The following PINX1 variants were observed in gnomAD, a reference collection of about 807,000 sequenced individuals.
PINX1 encodes PIN2/TERF1-interacting telomerase inhibitor 1.
PINX1 carries 34 observed loss-of-function variants against 25.4 expected under a neutral mutation model. The observed-to-expected ratio is 1.34, with a 90% CI of 1.02 to 1.78. PINX1 has a LOEUF of 1.78. Among genes scored for constraint, PINX1 ranks in the 40% most tolerant of loss-of-function variants. The pLI, the probability that PINX1 is intolerant of heterozygous loss-of-function variation, is 0.00. For synonymous variants in PINX1, 197 were observed against 147.7 expected (o/e 1.33, Z -2.42); for missense variants, 592 against 404.9 (o/e 1.46, Z -3.97).
At chr8:10,791,419 G>A (rs1031448767) in intron 6 of PINX1, among the ~76,000 whole-genome samples, 1 of 152,166 alleles carries the variant, frequency 6.6e-6, no homozygotes, top group Non-Finnish European at 1.5e-5. Flanking sequence ...ACAGTATGAA[G>A]TGACCAGCTT....
At chr8:10,839,052 G>A (rs1297353201) in intron 1 of PINX1, among the ~76,000 whole-genome samples, 1 of 152,174 alleles carries the variant, frequency 6.6e-6, no homozygotes, top group African/African-American at 2.4e-5. Context: ...AAGCATGACT[G>A]CCATCTGGCG....
rs147413528 is a variant in PINX1, at chr8:10,794,229, A to G, written c.471+25964T>C. On this transcript the variant is annotated intron_variant, in intron 6 of 6. Coordinates refer to ENST00000314787, the MANE Select transcript of PINX1 (RefSeq NM_017884.6). ...AATGCTCAATCACTGGTAATCTATC[A>G]CGATTAAAATTTTAAATTACAATTT... 1.1e-3 allele frequency among the ~76,000 whole-genome samples: 170 copies of G among 152,332 alleles called. No individual in the cohort carries two copies. The East Asian group carries it at 0.029, about 26-fold the overall frequency.
chr8:10,839,583 CA>C, intron 1 of PINX1, 154 bp downstream of exon 1: 1 of 722,790 alleles, frequency 1.4e-6, no homozygotes, highest in East Asian at 2.8e-5. Context: ...CTGCGGCGAG[CA>C]GGACAATCAG....
chr8:10,812,197 G>A (rs1027221625), intron 6 of PINX1, among the ~76,000 whole-genome samples: 1 of 152,194 alleles, frequency 6.6e-6, no homozygotes, highest in Non-Finnish European at 1.5e-5. Context: ...CACATCAAGA[G>A]CCTTTCACAT....
chr8:10,793,426 C>T (rs1157551779), intron 6 of PINX1, among the ~76,000 whole-genome samples: 1 of 152,158 alleles, frequency 6.6e-6, no homozygotes, highest in Non-Finnish European at 1.5e-5. Flanking sequence ...ATAAAATGCA[C>T]TAACACTAAT....
intron 6 of PINX1, among the ~76,000 whole-genome samples, chr8:10,784,319 G>A (rs1801682410): frequency 6.6e-6 from 1 of 152,132 alleles, no homozygotes; most frequent in South Asian, 2.1e-4. Flanking sequence ...CTCTCCTTAG[G>A]ATCACAAAGT....
chr8:10,816,242 G>T (rs1253875009), intron 6 of PINX1, among the ~76,000 whole-genome samples: 2 of 152,210 alleles, frequency 1.3e-5, no homozygotes, highest in East Asian at 1.9e-4. Context: ...TCATCATGCT[G>T]TACTGTAGTT....
rs1282847198 is a variant in PINX1, at chr8:10,807,337, C to T, written c.471+12856G>A. On this transcript the variant is annotated intron_variant, in intron 6 of 6. Transcript: ENST00000314787. ...GAAAATCCCCCCCCCACCCCCCCCCCCACCAAAGTAGAACAAAGATACAGT... is the reference window on the plus strand; with the variant it reads ...GAAAATCCCCCCCCCACCCCCCCCCTCACCAAAGTAGAACAAAGATACAGT... 3.0e-5 allele frequency among the ~76,000 whole-genome samples: 3 copies of T among 99,966 alleles called. No individual in the cohort carries two copies. In the East Asian group the frequency reaches 1.1e-3, roughly 35 times the overall value. 65.6% of individuals were successfully genotyped at this position (99,966 alleles called of 152,430 possible). A position where few individuals can be genotyped will look rare whatever the true frequency, so the allele number is the denominator to read the frequency against.
At chr8:10,800,510 C>G (rs1467255303) in intron 6 of PINX1, among the ~76,000 whole-genome samples, 1 of 150,822 alleles carries the variant, frequency 6.6e-6, no homozygotes, top group African/African-American at 2.4e-5. Context: ...CACTCTGTTG[C>G]CCAGGCTGGA....
At chr8:10,796,418 T>C (rs965389956) in intron 6 of PINX1, among the ~76,000 whole-genome samples, 3 of 152,130 alleles carry the variant, frequency 2.0e-5, no homozygotes, top group East Asian at 1.9e-4. Context: ...ATCCAGCCTT[T>C]ACCATTAAGA....
chr8:10,834,770 G>T lies in PINX1; in HGVS notation c.25C>A (p.Arg9=), dbSNP rs72547500. 1 of 1,610,444 alleles carries T rather than the reference G, an allele frequency of 6.2e-7. No homozygotes were observed. Among genetic ancestry groups the T allele is most frequent in the Non-Finnish European group, 8.5e-7 (1 of 1,178,072 alleles). The change falls in exon 2 of 7, where the codon CGG becomes AGG. Residue 9 remains arginine (R), a synonymous_variant. Transcript: ENST00000314787. ...GGATCCACAGCCCACTTCTGCTTCC[G>T]CCGACCTGTAAATGAAAAAGCATTA... MSMLAERR[R]KQKWAVDPQN...
chr8:10,771,885 C>G lies in PINX1; in HGVS notation c.472-5969G>C, dbSNP rs1586130905. Among the ~76,000 whole-genome samples, 3 of 152,364 alleles carry G rather than the reference C, an allele frequency of 2.0e-5. No individual in the cohort carries two copies. In the East Asian group the frequency reaches 5.8e-4, roughly 29 times the overall value. On this transcript the variant is annotated intron_variant, in intron 6 of 6. Transcript: ENST00000314787. ...CTTCTCTAACTACTGCAGAGTACATCTGAGTGTCGTCTGCTGTCAGCCAGT... is the reference window on the plus strand; with the variant it reads ...CTTCTCTAACTACTGCAGAGTACATGTGAGTGTCGTCTGCTGTCAGCCAGT...
At chr8:10,822,625 G>A (rs944099627) in intron 5 of PINX1, among the ~76,000 whole-genome samples, 4 of 152,152 alleles carry the variant, frequency 2.6e-5, no homozygotes, top group Non-Finnish European at 5.9e-5. Context: ...TGGGAAGGGA[G>A]GAACATTACT....
chr8:10,790,389 T>A (rs1801885158), intron 6 of PINX1, among the ~76,000 whole-genome samples: 1 of 151,996 alleles, frequency 6.6e-6, no homozygotes. Flanking sequence ...GGAGGAAAAG[T>A]TAACAGCACG....
intron 5 of PINX1, among the ~76,000 whole-genome samples, chr8:10,823,262 T>C (rs918891028): frequency 6.7e-6 from 1 of 150,034 alleles, no homozygotes; most frequent in Non-Finnish European, 1.5e-5. Context: ...GTAGTTTCCT[T>C]GTTTCAGTAG....
Position 10,820,124 on chromosome 8 carries a change from C to G in PINX1, c.471+69G>C, listed in dbSNP as rs72549128. ...GAAAAGTACTAGTCATAGATAGAAACAGTCCTATACACAGGTGAAAATCAG... is the reference window on the plus strand; with the variant it reads ...GAAAAGTACTAGTCATAGATAGAAAGAGTCCTATACACAGGTGAAAATCAG... On this transcript the variant is annotated intron_variant, in intron 6 of 6. Transcript: ENST00000314787. 1,341 of 976,292 alleles carry G rather than the reference C, an allele frequency of 1.4e-3. 11 individuals are homozygous for G. In the African/African-American group the frequency reaches 0.019, roughly 14 times the overall value. 60.5% of individuals were successfully genotyped at this position (976,292 alleles called of 1,614,324 possible).
At chr8:10,795,215 T>C (rs1161319943) in intron 6 of PINX1, among the ~76,000 whole-genome samples, 1 of 152,194 alleles carries the variant, frequency 6.6e-6, no homozygotes, top group Non-Finnish European at 1.5e-5. Context: ...GGCTAAGGAT[T>C]ATCAAACCTC....
intron 6 of PINX1, among the ~76,000 whole-genome samples, chr8:10,810,726 C>G (rs1279243396): frequency 1.3e-5 from 2 of 152,204 alleles, no homozygotes; most frequent in Non-Finnish European, 2.9e-5. Flanking sequence ...GTCTGTACTT[C>G]CACCCAAAAC....
chr8:10,792,807 TA>T (rs1801965426), intron 6 of PINX1, among the ~76,000 whole-genome samples: 1 of 152,208 alleles, frequency 6.6e-6, no homozygotes, highest in Admixed American at 6.5e-5. Flanking sequence ...CCTCATGGCA[TA>T]GCTGTCACCT....
Sources: gnomAD v4.1 joint callset for allele counts (sites outside exome capture counted in the v4.1 genomes callset) on GRCh38, gnomAD v4.1.1 for gene constraint, MANE v1.5 for transcripts, NCBI Gene and HGNC (gene_info 2026-07-23, HGNC 2026-07-21) for gene names.